Variants in FANCC observed in about 807,000 individuals in gnomAD.
FANCC encodes FA complementation group C, also known as Fanconi anemia group C protein.
In FANCC, 55 loss-of-function variants were observed where a neutral mutation model predicts 71.3. The observed-to-expected ratio is 0.77, with a 90% CI of 0.62 to 0.97. The LOEUF (loss-of-function observed/expected upper bound fraction) is 0.97, where lower values mean the gene tolerates loss of function less well. Ranked by LOEUF, FANCC falls within the 50% of genes least tolerant of loss-of-function variation. The probability of loss-of-function intolerance (pLI) is 0.00; values close to 1 mark genes in which losing one functional copy is unlikely to be tolerated. For missense variants in FANCC, 678 were observed against 670.9 expected, an observed-to-expected ratio of 1.01 and a Z score of -0.12; for synonymous variants, 275 against 244.9, an observed-to-expected ratio of 1.12 and a Z score of -1.15.
chr9:95,209,842 G>A (rs1361070288), intron 4 of FANCC, among the ~76,000 whole-genome samples: 3 of 152,010 alleles, frequency 2.0e-5, no homozygotes, highest in Non-Finnish European at 4.4e-5. Context: ...CTTCCACTCT[G>A]GCCTGCTCCA....
At chr9:95,173,401 C>A (rs1825816799) in intron 4 of FANCC, among the ~76,000 whole-genome samples, 1 of 151,958 alleles carries the variant, frequency 6.6e-6, no homozygotes, top group South Asian at 2.1e-4. Context: ...AGAGGCCCTG[C>A]CTTATAGAAA....
intron 4 of FANCC, among the ~76,000 whole-genome samples, chr9:95,213,690 A>G (rs1411249955): frequency 6.6e-6 from 1 of 152,242 alleles, no homozygotes; most frequent in Non-Finnish European, 1.5e-5. Flanking sequence ...TTTAAGACCT[A>G]AAACTATAAA....
At chr9:95,257,178 A>C (rs1271444756) in intron 1 of FANCC, among the ~76,000 whole-genome samples, 1 of 152,234 alleles carries the variant, frequency 6.6e-6, no homozygotes, top group East Asian at 1.9e-4. Flanking sequence ...CTCTGGACCA[A>C]GTGGACCTAA....
chr9:95,129,045 G>A (rs537109746), intron 8 of FANCC, among the ~76,000 whole-genome samples: 1 of 152,082 alleles, frequency 6.6e-6, no homozygotes, highest in Non-Finnish European at 1.5e-5. Flanking sequence ...TGGGATTACA[G>A]GCACGTGCCA....
chr9:95,114,556 T>C (rs1217807688), intron 12 of FANCC, 73 bp downstream of exon 12: 6 of 1,335,766 alleles, frequency 4.5e-6, no homozygotes, highest in Non-Finnish European at 6.5e-6. Context: ...CTGTCAGCCC[T>C]GCTCAAAGGG....
intron 4 of FANCC, among the ~76,000 whole-genome samples, chr9:95,236,038 AAG>A (rs1027202571): frequency 6.6e-5 from 10 of 152,074 alleles, no homozygotes; most frequent in African/African-American, 2.4e-4. Context: ...TTTTTGAAAA[AAG>A]AAGAAAGTAG....
intron 10 of FANCC, among the ~76,000 whole-genome samples, chr9:95,119,178 T>G (rs888478344): frequency 1.3e-5 from 2 of 152,238 alleles, no homozygotes; most frequent in African/African-American, 4.8e-5. Flanking sequence ...ATGTGCTTAC[T>G]GCCAACTTAT....
intron 13 of FANCC, among the ~76,000 whole-genome samples, chr9:95,107,984 C>T (rs1311053657): frequency 6.6e-6 from 1 of 152,166 alleles, no homozygotes; most frequent in Non-Finnish European, 1.5e-5. Flanking sequence ...TACACCCAGT[C>T]GTGACTTGGA....
At chr9:95,102,861 G>A (rs147220167) in intron 14 of FANCC, among the ~76,000 whole-genome samples, 58 of 152,288 alleles carry the variant, frequency 3.8e-4, no homozygotes, top group Middle Eastern at 3.4e-3. Flanking sequence ...CATGACGTTC[G>A]CTCTCCTCGG....
At chr9:95,241,623 C>T (rs369074005) in intron 3 of FANCC, among the ~76,000 whole-genome samples, 45 of 152,304 alleles carry the variant, frequency 3.0e-4, no homozygotes, top group African/African-American at 1.0e-3. Flanking sequence ...GGAATCAGTA[C>T]TCTCTGCCAC....
intron 4 of FANCC, among the ~76,000 whole-genome samples, chr9:95,213,750 A>G (rs1209262216): frequency 6.6e-6 from 1 of 152,254 alleles, no homozygotes; most frequent in Non-Finnish European, 1.5e-5. Flanking sequence ...AGATTTGGCA[A>G]TGATTTCTTG....
chr9:95,243,601 G>A (rs1219685951), intron 3 of FANCC, among the ~76,000 whole-genome samples: 4 of 151,732 alleles, frequency 2.6e-5, no homozygotes, highest in Admixed American at 1.3e-4. Context: ...TAGCTAACAC[G>A]GTGAAACCCC....
intron 4 of FANCC, among the ~76,000 whole-genome samples, chr9:95,239,484 T>C (rs912420262): frequency 3.3e-5 from 5 of 152,208 alleles, no homozygotes; most frequent in Non-Finnish European, 7.4e-5. Flanking sequence ...ACTTCAGGAC[T>C]CAATGAGCTA....
intron 4 of FANCC, among the ~76,000 whole-genome samples, chr9:95,235,691 A>G (rs1192575986): frequency 6.6e-6 from 1 of 151,926 alleles, no homozygotes; most frequent in African/African-American, 2.4e-5. Context: ...CTAAAAATAC[A>G]AAATTGGCTG....
intron 6 of FANCC, among the ~76,000 whole-genome samples, chr9:95,158,831 C>G (rs144324596): frequency 6.6e-6 from 1 of 152,154 alleles, no homozygotes; most frequent in Non-Finnish European, 1.5e-5. Context: ...CTTTGAGTAG[C>G]TCTGGTGTAG....
At chr9:95,253,276 C>T (rs1419749538) in intron 1 of FANCC, among the ~76,000 whole-genome samples, 2 of 152,024 alleles carry the variant, frequency 1.3e-5, no homozygotes, top group East Asian at 1.9e-4. Flanking sequence ...AATTAAAGTA[C>T]CCTGTGCCAT....
At chr9:95,245,080 A>T (rs1022479189) in intron 3 of FANCC, among the ~76,000 whole-genome samples, 2 of 152,192 alleles carry the variant, frequency 1.3e-5, no homozygotes, top group African/African-American at 2.4e-5. Context: ...GATGTATTAC[A>T]TCCACGATGT....
At chr9:95,236,256 C>G (rs1830314177) in intron 4 of FANCC, among the ~76,000 whole-genome samples, 1 of 152,132 alleles carries the variant, frequency 6.6e-6, no homozygotes, top group Admixed American at 6.6e-5. Flanking sequence ...TGGAAACCTT[C>G]CCCATCTATT....
intron 11 of FANCC, among the ~76,000 whole-genome samples, chr9:95,116,131 C>A (rs1432686207): frequency 6.6e-6 from 1 of 152,228 alleles, no homozygotes; most frequent in Admixed American, 6.5e-5. Flanking sequence ...TGCCCATGCA[C>A]CACCTCACCG....
Sources: allele counts gnomAD v4.1 joint callset (sites outside exome capture counted in the v4.1 genomes callset), GRCh38; gene constraint gnomAD v4.1.1; transcripts MANE v1.5; gene names NCBI Gene and HGNC (gene_info 2026-07-23, HGNC 2026-07-21).